Variants in RYR2 observed in about 807,000 individuals in gnomAD.
RYR2 encodes the protein cardiac muscle ryanodine receptor-calcium release channel.
Under a neutral mutation model 601.1 loss-of-function variants are expected in RYR2, and 227 were observed. That is an observed-to-expected ratio of 0.38 (90% CI 0.34 to 0.42). The LOEUF is 0.42. Ranked by LOEUF, RYR2 falls within the 10% of genes least tolerant of loss-of-function variation. RYR2 has a pLI of 1.00. For synonymous variants in RYR2, 2,223 were observed against 2,175.1 expected (o/e 1.02, Z -0.61); for missense variants, 4,646 against 6,156.5 (o/e 0.75, Z 8.21).
intron 2 of RYR2, among the ~76,000 whole-genome samples, chr1:237,290,743 G>C (rs1692107219): frequency 1.3e-5 from 2 of 152,130 alleles, no homozygotes; most frequent in African/African-American, 4.8e-5. Flanking sequence ...GTAAATATAA[G>C]TGGATAAAAT....
chr1:237,360,076 C>A (rs957459087), intron 4 of RYR2, among the ~76,000 whole-genome samples: 6 of 152,164 alleles, frequency 3.9e-5, no homozygotes, highest in Non-Finnish European at 7.3e-5. Context: ...ATGTTTCTAC[C>A]TGGAGAGTTG....
chr1:237,111,465 G>T (rs1669459768), intron 1 of RYR2, among the ~76,000 whole-genome samples: 2 of 152,064 alleles, frequency 1.3e-5, no homozygotes, highest in Non-Finnish European at 2.9e-5. Flanking sequence ...GCAGGTGCCT[G>T]TTGTCCCAGC....
intron 34 of RYR2, 112 bp downstream of exon 34, chr1:237,595,769 C>A: frequency 1.5e-6 from 2 of 1,300,164 alleles, no homozygotes; most frequent in Non-Finnish European, 2.0e-6. Flanking sequence ...GTACATGTGC[C>A]CCTGGTCTGA....
intron 1 of RYR2, among the ~76,000 whole-genome samples, chr1:237,195,435 T>C (rs1352327840): frequency 6.6e-6 from 1 of 152,152 alleles, no homozygotes; most frequent in African/African-American, 2.4e-5. Flanking sequence ...GTATGTTTAG[T>C]AGAGACGGGG....
At chr1:237,213,717 T>G (rs959515541) in intron 1 of RYR2, among the ~76,000 whole-genome samples, 4 of 152,026 alleles carry the variant, frequency 2.6e-5, no homozygotes, top group Non-Finnish European at 5.9e-5. Flanking sequence ...TGCTTTTACA[T>G]TTTTATGTAG....
intron 37 of RYR2, among the ~76,000 whole-genome samples, chr1:237,616,856 A>C (rs997518447): frequency 3.4e-4 from 52 of 152,196 alleles, no homozygotes; most frequent in African/African-American, 1.3e-3. Flanking sequence ...GAGCAAAGTC[A>C]CATCTTACAT....
chr1:237,576,944 T>C (rs900750678), intron 29 of RYR2, among the ~76,000 whole-genome samples: 4 of 152,176 alleles, frequency 2.6e-5, no homozygotes, highest in African/African-American at 9.6e-5. Context: ...CAAACATTTG[T>C]AAAGACCTGA....
intron 29 of RYR2, among the ~76,000 whole-genome samples, chr1:237,582,077 GTTCT>G (rs1360825891): frequency 1.6e-4 from 25 of 151,880 alleles, no homozygotes; most frequent in Admixed American, 1.2e-3. Context: ...CCCTCTCAGA[GTTCT>G]TTATTTTTTA....
At chr1:237,506,395 G>T (rs189451097) in intron 22 of RYR2, among the ~76,000 whole-genome samples, 1 of 151,936 alleles carries the variant, frequency 6.6e-6, no homozygotes, top group African/African-American at 2.4e-5. Context: ...AAAATTAGCC[G>T]GGCGTAGTGG....
intron 1 of RYR2, among the ~76,000 whole-genome samples, chr1:237,094,747 A>T (rs1296520701): frequency 1.3e-5 from 2 of 151,982 alleles, no homozygotes; most frequent in African/African-American, 4.8e-5. Flanking sequence ...GCCCACCACC[A>T]TGCCCAGCCA....
intron 1 of RYR2, among the ~76,000 whole-genome samples, chr1:237,062,877 C>A (rs971003951): frequency 6.6e-6 from 1 of 151,918 alleles, no homozygotes; most frequent in Non-Finnish European, 1.5e-5. Flanking sequence ...TTGTGTTTGG[C>A]AGCTGAATTC....
chr1:237,563,576 A>T (rs74399431), intron 27 of RYR2, among the ~76,000 whole-genome samples: 3,831 of 152,142 alleles, frequency 0.025, 154 homozygotes, highest in African/African-American at 0.086. Flanking sequence ...ATAGCATAGC[A>T]TTAGGGCCAG....
At chr1:237,506,676 T>G in intron 22 of RYR2, 34 bp from the exon 23 acceptor site, 1 of 1,513,214 alleles carries the variant, frequency 6.6e-7, no homozygotes, top group South Asian at 1.2e-5. Flanking sequence ...TGCATTTGTT[T>G]CTGATGTGTC....
chr1:237,654,502 C>T, intron 52 of RYR2, 88 bp downstream of exon 52: 2 of 1,319,934 alleles, frequency 1.5e-6, no homozygotes, highest in Non-Finnish European at 2.1e-6. Context: ...TAGTTGAATA[C>T]TATCTTTGCT....
At chr1:237,067,880 T>C (rs1342907810) in intron 1 of RYR2, among the ~76,000 whole-genome samples, 1 of 152,166 alleles carries the variant, frequency 6.6e-6, no homozygotes, top group East Asian at 1.9e-4. Flanking sequence ...TTTTTAAACC[T>C]GCAGACATGT....
intron 16 of RYR2, among the ~76,000 whole-genome samples, chr1:237,463,065 G>A (rs775348089): frequency 6.6e-6 from 1 of 152,084 alleles, no homozygotes; most frequent in Non-Finnish European, 1.5e-5. Flanking sequence ...ATTCTGAAGT[G>A]TTTTGTTTTG....
At chr1:237,815,149 A>T (rs1208894657) in intron 100 of RYR2, among the ~76,000 whole-genome samples, 2 of 152,010 alleles carry the variant, frequency 1.3e-5, no homozygotes, top group African/African-American at 4.8e-5. Context: ...TTCCTCTTCT[A>T]AATTTTTGTA....
intron 58 of RYR2, among the ~76,000 whole-genome samples, chr1:237,670,208 A>G (rs1027274628): frequency 6.6e-6 from 1 of 151,314 alleles, no homozygotes; most frequent in Non-Finnish European, 1.5e-5. Context: ...AGAATCAGGC[A>G]GGGAGGTTGC....
At chr1:237,119,707 G>A (rs1298148344) in intron 1 of RYR2, among the ~76,000 whole-genome samples, 1 of 152,194 alleles carries the variant, frequency 6.6e-6, no homozygotes, top group Non-Finnish European at 1.5e-5. Flanking sequence ...CACAGGAACA[G>A]TCTCTACTAA....
Sources: allele counts gnomAD v4.1 joint callset (sites outside exome capture counted in the v4.1 genomes callset), GRCh38; gene constraint gnomAD v4.1.1; transcripts MANE v1.5; gene names NCBI Gene and HGNC (gene_info 2026-07-23, HGNC 2026-07-21).